PCYT1A: variants seen among roughly 807,000 people sequenced by gnomAD.
PCYT1A encodes the protein phosphate cytidylyltransferase 1A, choline, also known as choline-phosphate cytidylyltransferase A.
PCYT1A carries 25 observed loss-of-function variants against 43.7 expected under a neutral mutation model. That is an observed-to-expected ratio of 0.57 (90% confidence interval 0.42 to 0.80). PCYT1A has a LOEUF of 0.80. Among genes scored for constraint, PCYT1A ranks in the 30% least tolerant of loss-of-function variants. The pLI is 0.00. For missense variants in PCYT1A, 421 were observed against 474.2 expected (o/e 0.89, Z 1.04); for synonymous variants, 172 against 170.7 (o/e 1.01, Z -0.06).
At chr3:196,261,542 C>A (rs1725108837) in intron 2 of PCYT1A, among the ~76,000 whole-genome samples, 1 of 152,016 alleles carries the variant, frequency 6.6e-6, no homozygotes, top group Non-Finnish European at 1.5e-5. Context: ...GTAATACCAG[C>A]ACTTTGGGAG....
chr3:196,272,726 T>A (rs922548635), intron 1 of PCYT1A, among the ~76,000 whole-genome samples: 42 of 152,310 alleles, frequency 2.8e-4, no homozygotes, highest in African/African-American at 9.6e-4. Context: ...GGATTCTCCT[T>A]CCCCCAAAGG....
intron 2 of PCYT1A, among the ~76,000 whole-genome samples, chr3:196,262,553 G>C (rs760952739): frequency 6.6e-6 from 1 of 152,082 alleles, no homozygotes; most frequent in African/African-American, 2.4e-5. Flanking sequence ...GCATCTAAAA[G>C]TTATAATGGA....
At position 196,277,844 on chromosome 3, in the gene PCYT1A, G is replaced by A. The variant is rs1373296938; in HGVS notation, c.-10-7303C>T. The stretch of plus-strand genomic sequence containing the variant: ...CTAAATCGCACGCCACTGCGCTCCA[G>A]CCTGGGCGACAGAGCGAGACTTTGT... On this transcript the variant is annotated intron_variant, in intron 1 of 8. Coordinates refer to ENST00000431016, the MANE Select transcript of PCYT1A (RefSeq NM_001312673.2). This position sits in a 1 kb window ranked among gnomAD's most constrained non-coding sequence, Gnocchi z 4.1. Among the ~76,000 whole-genome samples, 8 of 152,240 alleles carry A rather than the reference G, an allele frequency of 5.3e-5. No homozygotes were observed. The highest frequency in any genetic ancestry group is 1.9e-4 in the African/African-American group (8 of 41,456).
At chr3:196,253,655 A>G (rs1481506389) in intron 3 of PCYT1A, among the ~76,000 whole-genome samples, 2 of 152,168 alleles carry the variant, frequency 1.3e-5, no homozygotes, top group East Asian at 1.9e-4. Context: ...TCTCAGACCA[A>G]TCCCAGATGC....
At chr3:196,276,836 C>T (rs549519060) in intron 1 of PCYT1A, among the ~76,000 whole-genome samples, 22 of 150,642 alleles carry the variant, frequency 1.5e-4, no homozygotes, top group Non-Finnish European at 2.5e-4. Flanking sequence ...CTCGGGAGGC[C>T]GAGGTGGGAG....
intron 2 of PCYT1A, chr3:196,267,208 T>C: frequency 2.7e-6 from 1 of 374,258 alleles, no homozygotes; most frequent in Non-Finnish European, 5.2e-6. Context: ...ATTAAGTACT[T>C]GTACATGTTG....
At chr3:196,267,456 C>T in intron 2 of PCYT1A, 1 of 394,804 alleles carries the variant, frequency 2.5e-6, no homozygotes, top group Non-Finnish European at 5.1e-6. Context: ...TGGCTCACAC[C>T]TGTAATCCCA....
At chr3:196,243,786 TCGG>T (rs1724447722) in intron 5 of PCYT1A, among the ~76,000 whole-genome samples, 1 of 152,256 alleles carries the variant, frequency 6.6e-6, no homozygotes, top group Non-Finnish European at 1.5e-5. Flanking sequence ...TCCGCCAGCC[TCGG>T]CCTCCCGAGG....
intron 3 of PCYT1A, among the ~76,000 whole-genome samples, chr3:196,249,318 T>A (rs1407422997): frequency 6.7e-6 from 1 of 149,690 alleles, no homozygotes; most frequent in Non-Finnish European, 1.5e-5. Context: ...AGCTAATTTT[T>A]TTTTTTTTTT....
At chr3:196,244,790 C>T (rs369301703) in intron 5 of PCYT1A, among the ~76,000 whole-genome samples, 18,754 of 151,722 alleles carry the variant, frequency 0.12, 1,048 homozygotes, top group South Asian at 0.25. Context: ...TGTGACCTTA[C>T]CCCCAACCCT....
intron 1 of PCYT1A, among the ~76,000 whole-genome samples, chr3:196,285,275 G>A (rs1725877681): frequency 3.3e-5 from 5 of 152,072 alleles, no homozygotes; most frequent in South Asian, 4.2e-4. Flanking sequence ...CCTGGCCAAC[G>A]TGGTGAAACC....
intron 3 of PCYT1A, among the ~76,000 whole-genome samples, chr3:196,249,340 C>T (rs1288374444): frequency 1.4e-5 from 2 of 142,122 alleles, no homozygotes; most frequent in Non-Finnish European, 3.0e-5. Context: ...TTGTAGAGAC[C>T]ATGTTGCCCA....
intron 1 of PCYT1A, among the ~76,000 whole-genome samples, chr3:196,276,831 G>A (rs1246912793): frequency 1.3e-5 from 2 of 152,114 alleles, no homozygotes; most frequent in Non-Finnish European, 1.5e-5. Context: ...AGCTACTCGG[G>A]AGGCCGAGGT....
intron 2 of PCYT1A, among the ~76,000 whole-genome samples, chr3:196,263,692 G>T (rs1725182970): frequency 6.6e-6 from 1 of 152,112 alleles, no homozygotes; most frequent in Non-Finnish European, 1.5e-5. Flanking sequence ...GAGTACAGTG[G>T]CGCGATCTCG....
chr3:196,257,980 T>C, intron 2 of PCYT1A, 93 bp from the exon 3 acceptor site: 2 of 708,902 alleles, frequency 2.8e-6, no homozygotes, highest in Non-Finnish European at 2.4e-6. Context: ...AGGAGATTGA[T>C]CTCTCTATTA....
chr3:196,247,244 A>G lies in PCYT1A; in HGVS notation c.486+123T>C. On this transcript the variant is annotated intron_variant, in intron 5 of 8. Transcript: ENST00000431016. The surrounding 1 kb of genome is among the most constrained non-coding windows in gnomAD (Gnocchi z 4.8). ...ACTAGTAATATCACTGTCATCTCCT[A>G]CGAAACTTACATAAGAGGTAGAAGT... The G allele has an allele frequency of 1.0e-6, 1 of 988,516 alleles. No individual in the cohort carries two copies. The highest frequency in any genetic ancestry group is 1.6e-6 in the Non-Finnish European group (1 of 637,580). The allele number at this position is 988,516 out of a possible 1,614,324, so 61.2% of individuals were successfully genotyped here. A position where few individuals can be genotyped will look rare whatever the true frequency, so the allele number is the denominator to read the frequency against.
In PCYT1A at chr3:196,236,232, T is replaced by C. The variant is rs983062395; in HGVS notation, c.*2456A>G. 6.6e-6 allele frequency: 1 copy of C among 152,158 alleles called. No homozygotes were observed. The highest frequency in any genetic ancestry group is 1.5e-5 in the Non-Finnish European group (1 of 68,066). The allele number at this position is 152,158 out of a possible 1,614,324, so 9.4% of individuals were successfully genotyped here. A position where few individuals can be genotyped will look rare whatever the true frequency, so the allele number is the denominator to read the frequency against. On this transcript the variant is annotated 3_prime_UTR_variant, in exon 9 of 9. Transcript: ENST00000431016. ...ATAGGGAGGGAGGAGGAAAACCACG[T>C]TCCGGGCATCTCCCTGTCTATCCAA...
chr3:196,279,772 C>T (rs935299296), intron 1 of PCYT1A, among the ~76,000 whole-genome samples: 1 of 148,912 alleles, frequency 6.7e-6, no homozygotes, highest in Non-Finnish European at 1.5e-5. Flanking sequence ...ATGCTTGAGT[C>T]TGAAAGATGA....
At chr3:196,267,380 G>A (rs1347488501) in intron 2 of PCYT1A, 3 of 454,648 alleles carry the variant, frequency 6.6e-6, no homozygotes, top group South Asian at 4.7e-5. Context: ...GGGGAAATGG[G>A]GAGTGACTGC....
Sources: allele counts gnomAD v4.1 joint callset (sites outside exome capture counted in the v4.1 genomes callset), GRCh38; gene constraint gnomAD v4.1.1; non-coding constraint Gnocchi (gnomAD v3.1); transcripts MANE v1.5; gene names NCBI Gene and HGNC (gene_info 2026-07-23, HGNC 2026-07-21).